The following ZNF385D variants were observed in gnomAD, a reference collection of about 807,000 sequenced individuals.
ZNF385D encodes zinc finger protein 659.
In ZNF385D, 15 loss-of-function variants were observed where a neutral mutation model predicts 35.8. The observed-to-expected ratio is 0.42, with a 90% CI of 0.28 to 0.64. The LOEUF (loss-of-function observed/expected upper bound fraction) is 0.64, where lower values mean the gene tolerates loss of function less well. Ranked by LOEUF, ZNF385D falls within the 30% of genes least tolerant of loss-of-function variation. The pLI, the probability that ZNF385D is intolerant of heterozygous loss-of-function variation, is 0.23. For missense variants in ZNF385D, 474 were observed against 494.6 expected, an observed-to-expected ratio of 0.96 and a Z score of 0.39; for synonymous variants, 212 against 186.8, an observed-to-expected ratio of 1.13 and a Z score of -1.10.
intron 4 of ZNF385D, among the ~76,000 whole-genome samples, chr3:21,487,804 ATTATAT>A (rs1329711755): frequency 6.6e-6 from 1 of 152,074 alleles, no homozygotes; most frequent in African/African-American, 2.4e-5. Context: ...GTTCCTTTGT[ATTATAT>A]CTTTATTCAC....
chr3:21,830,400 C>G (rs780341524), intron 3 of ZNF385D, among the ~76,000 whole-genome samples: 2 of 152,158 alleles, frequency 1.3e-5, no homozygotes, highest in Non-Finnish European at 2.9e-5. Flanking sequence ...TGTCACCATC[C>G]TAGAGTAGAC....
At chr3:22,328,938 G>A (rs1239129049) in intron 2 of ZNF385D, among the ~76,000 whole-genome samples, 24 of 151,826 alleles carry the variant, frequency 1.6e-4, no homozygotes, top group Non-Finnish European at 2.4e-4. Context: ...TTAGCTGGGC[G>A]TGGTAGCGGG....
intron 2 of ZNF385D, among the ~76,000 whole-genome samples, chr3:21,617,788 C>T (rs888389980): frequency 6.6e-6 from 1 of 152,120 alleles, no homozygotes; most frequent in Non-Finnish European, 1.5e-5. Context: ...TTTGAGACTG[C>T]ATGGTGGAAG....
At chr3:22,133,835 G>A (rs1274169475) in intron 3 of ZNF385D, 2 of 151,888 alleles carry the variant, frequency 1.3e-5, no homozygotes, top group African/African-American at 4.8e-5. Flanking sequence ...AAGCATCTGT[G>A]GAAATTGCTC....
intron 3 of ZNF385D, among the ~76,000 whole-genome samples, chr3:21,802,721 G>T (rs1298294484): frequency 6.6e-6 from 1 of 152,096 alleles, no homozygotes; most frequent in Non-Finnish European, 1.5e-5. Flanking sequence ...TGTGAACTTG[G>T]CAGTTAGTCT....
At chr3:22,316,772 T>C (rs896113231) in intron 2 of ZNF385D, among the ~76,000 whole-genome samples, 1 of 152,194 alleles carries the variant, frequency 6.6e-6, no homozygotes, top group Non-Finnish European at 1.5e-5. Context: ...TTTTAGTGTT[T>C]GAAACTTCTA....
At position 21,911,264 on chromosome 3, in the gene ZNF385D, C is replaced by T. The variant is rs137999794; in HGVS notation, c.326-246236G>A. On this transcript the variant is annotated intron_variant, in intron 3 of 5. Transcript: ENST00000494108. Reference sequence around the variant, plus strand: ...AGGTTTTTATGAGAGTCCATTAGTTCTCATTTTAATATTTAGCACATGTTG... The same window carrying T: ...AGGTTTTTATGAGAGTCCATTAGTTTTCATTTTAATATTTAGCACATGTTG... Among the ~76,000 whole-genome samples, 4 of 151,944 alleles carry T rather than the reference C, an allele frequency of 2.6e-5. No homozygotes were observed. In the East Asian group the frequency reaches 7.7e-4, roughly 29 times the overall value.
At chr3:22,006,601 C>A (rs114845902) in intron 3 of ZNF385D, among the ~76,000 whole-genome samples, 1,828 of 151,792 alleles carry the variant, frequency 0.012, 34 homozygotes, top group African/African-American at 0.042. Context: ...TCAAAAAGTT[C>A]ATTACAGAAA....
intron 3 of ZNF385D, among the ~76,000 whole-genome samples, chr3:21,945,144 G>GTATATGTA (rs1491234736): frequency 7.3e-5 from 11 of 150,396 alleles, no homozygotes; most frequent in Admixed American, 2.0e-4. Flanking sequence ...ATATGTATAT[G>GTATATGTA]CATATATATA....
chr3:21,693,872 CTTT>C (rs375360816), intron 1 of ZNF385D, among the ~76,000 whole-genome samples: 39 of 142,508 alleles, frequency 2.7e-4, no homozygotes, highest in African/African-American at 8.8e-4. Context: ...TTTAGAAAAT[CTTT>C]TTTTTTCTTT....
intron 3 of ZNF385D, among the ~76,000 whole-genome samples, chr3:21,883,367 G>A (rs1475164699): frequency 6.6e-6 from 1 of 151,860 alleles, no homozygotes; most frequent in Non-Finnish European, 1.5e-5. Context: ...AAAACTAAAT[G>A]ATTTTTCTAA....
At chr3:21,795,850 T>C (rs959860967) in intron 3 of ZNF385D, among the ~76,000 whole-genome samples, 1 of 152,232 alleles carries the variant, frequency 6.6e-6, no homozygotes, top group Middle Eastern at 3.2e-3. Context: ...CTATTCTCAA[T>C]GGCAAACAGA....
At chr3:21,671,987 T>C (rs932754296) in intron 1 of ZNF385D, among the ~76,000 whole-genome samples, 5 of 152,148 alleles carry the variant, frequency 3.3e-5, no homozygotes, top group Non-Finnish European at 5.9e-5. Flanking sequence ...TAAATAAATA[T>C]GTGTTTGTCA....
chr3:21,609,056 G>GT (rs2064586831), intron 2 of ZNF385D, among the ~76,000 whole-genome samples: 1 of 152,218 alleles, frequency 6.6e-6, no homozygotes, highest in African/African-American at 2.4e-5. Context: ...TTCATGAGGA[G>GT]TTACCTGGGA....
intron 5 of ZNF385D, among the ~76,000 whole-genome samples, chr3:21,427,616 G>A (rs429386): frequency 0.94 from 143,262 of 152,256 alleles, 67,473 homozygotes; most frequent in East Asian, 1. Context: ...TTTGGCCCCA[G>A]TAGTAGGGCT....
At chr3:21,736,503 T>A (rs907961208) in intron 1 of ZNF385D, among the ~76,000 whole-genome samples, 1 of 152,238 alleles carries the variant, frequency 6.6e-6, no homozygotes, top group Non-Finnish European at 1.5e-5. Flanking sequence ...CCTTTGGTTT[T>A]ATAACTACCT....
chr3:22,162,139 A>G (rs1298974611), intron 3 of ZNF385D, among the ~76,000 whole-genome samples: 3 of 152,188 alleles, frequency 2.0e-5, no homozygotes, highest in Non-Finnish European at 2.9e-5. Flanking sequence ...TCAAATGGAA[A>G]ATAAGAGTTA....
At chr3:22,026,878 G>A (rs1179690092) in intron 3 of ZNF385D, among the ~76,000 whole-genome samples, 1 of 152,222 alleles carries the variant, frequency 6.6e-6, no homozygotes, top group Non-Finnish European at 1.5e-5. Flanking sequence ...GGCCTGTGCA[G>A]AAGACAGAGG....
chr3:22,359,013 C>T (rs1193059344), intron 2 of ZNF385D, among the ~76,000 whole-genome samples: 1 of 141,684 alleles, frequency 7.1e-6, no homozygotes, highest in Non-Finnish European at 1.5e-5. Context: ...TGACATTAGG[C>T]AAAAAAGTAT....
Sources: gnomAD v4.1 joint callset for allele counts (sites outside exome capture counted in the v4.1 genomes callset) on GRCh38, gnomAD v4.1.1 for gene constraint, MANE v1.5 for transcripts, NCBI Gene and HGNC (gene_info 2026-07-23, HGNC 2026-07-21) for gene names.